The following ADGRG3 variants were observed in gnomAD, a reference collection of about 807,000 sequenced individuals.
The protein encoded by ADGRG3 is G protein-coupled receptor 97.
A neutral mutation model predicts 54.3 loss-of-function variants in ADGRG3; 39 were observed. The observed-to-expected ratio is 0.72, with a 90% CI of 0.56 to 0.94. The LOEUF (loss-of-function observed/expected upper bound fraction) is 0.94. Ranked by LOEUF, ADGRG3 falls within the 40% of genes least tolerant of loss-of-function variation. The pLI is 0.00. For synonymous variants in ADGRG3, 312 were observed against 290.0 expected (o/e 1.08, Z -0.77); for missense variants, 654 against 694.6 (o/e 0.94, Z 0.66).
chr16:57,688,893 A>C lies in ADGRG3; in HGVS notation c.*432A>C. On this transcript the variant is annotated 3_prime_UTR_variant, in exon 12 of 12. Transcript: ENST00000333493. ...CTGGCTGCCTGTAACCTTGAGGGGC[A>C]TTCAGGAGGCCAGCGTTCCCTCAGG... The C allele has an allele frequency of 6.1e-6, 1 of 163,384 alleles. No individual in the cohort carries two copies. Among genetic ancestry groups the C allele is most frequent in the Non-Finnish European group, 1.4e-5 (1 of 74,022 alleles). 10.1% of individuals were successfully genotyped at this position (163,384 alleles called of 1,614,324 possible).
intron 5 of ADGRG3, 58 bp from the exon 6 acceptor site, chr16:57,679,758 C>T (rs746869500): frequency 5.2e-5 from 73 of 1,401,562 alleles, no homozygotes; most frequent in Non-Finnish European, 7.0e-5. Flanking sequence ...TCCCGCTTCC[C>T]CTGCCCTCCC....
chr16:57,682,565 G>T, intron 8 of ADGRG3: 1 of 985,446 alleles, frequency 1.0e-6, no homozygotes, highest in South Asian at 4.7e-5. Context: ...CCCTGTGAGC[G>T]GGGCTTGGAG....
intron 11 of ADGRG3, among the ~76,000 whole-genome samples, chr16:57,687,721 TG>T (rs2048500984): frequency 1.3e-5 from 2 of 152,186 alleles, no homozygotes; most frequent in African/African-American, 4.8e-5. Flanking sequence ...GGTTGATGGT[TG>T]GGGAGAAATG....
intron 11 of ADGRG3, among the ~76,000 whole-genome samples, chr16:57,687,877 A>G (rs1016728890): frequency 5.3e-5 from 8 of 152,232 alleles, no homozygotes; most frequent in African/African-American, 1.7e-4. Context: ...AGCCCTTGGT[A>G]TACTTGAATT....
intron 1 of ADGRG3, 133 bp from the exon 2 acceptor site, chr16:57,673,188 C>T (rs1015037655): frequency 3.7e-5 from 30 of 818,840 alleles, no homozygotes; most frequent in African/African-American, 1.2e-4. Context: ...TCAAGTGCAC[C>T]GTTAGTGTGA....
At position 57,682,033 on chromosome 16, in the gene ADGRG3, C is replaced by T. The variant is rs530074050; in HGVS notation, c.881+1416C>T. Among the ~76,000 whole-genome samples, 3 of 152,362 alleles carry T rather than the reference C, an allele frequency of 2.0e-5. No homozygotes were observed. The East Asian group carries it at 5.8e-4, about 29-fold the overall frequency. On this transcript the variant is annotated intron_variant, in intron 8 of 11. Coordinates refer to ENST00000333493, the MANE Select transcript of ADGRG3 (RefSeq NM_170776.5). ...TCAAGAGCTGGAATACACAGATTGG[C>T]CGGCCAGGCCATGTGTCTGCTCTTG...
Position 57,688,722 on chromosome 16 carries a change from A to C in ADGRG3, c.*261A>C. 2.3e-6 allele frequency: 1 copy of C among 438,136 alleles called. No homozygotes were observed. The highest frequency in any genetic ancestry group is 2.8e-5 in the South Asian group (1 of 35,818). The allele number at this position is 438,136 out of a possible 1,614,324, so 27.1% of individuals were successfully genotyped here. On this transcript the variant is annotated 3_prime_UTR_variant, in exon 12 of 12. Coordinates refer to ENST00000333493, the MANE Select transcript of ADGRG3 (RefSeq NM_170776.5). ...CCCCTGCCAGCAAAGAGTGACAGTC[A>C]CCTCCATGCCCTGCCCTCATTGCAA...
chr16:57,668,304 C>T (rs1316606921), upstream of ADGRG3: 3 of 1,522,026 alleles, frequency 2.0e-6, no homozygotes, highest in Admixed American at 2.0e-5. Context: ...GGCCAGAGGG[C>T]CAGACAGCCA....
intron 3 of ADGRG3, among the ~76,000 whole-genome samples, chr16:57,677,539 G>A (rs552865606): frequency 3.9e-5 from 6 of 152,142 alleles, no homozygotes; most frequent in Non-Finnish European, 5.9e-5. Flanking sequence ...CTGAGATAGC[G>A]CCATTGCACT....
At position 57,668,314 on chromosome 16, in the gene ADGRG3, A is replaced by C; in HGVS notation, c.-34A>C. 6.5e-7 allele frequency: 1 copy of C among 1,543,228 alleles called. No individual in the cohort carries two copies. Among genetic ancestry groups the C allele is most frequent in the Non-Finnish European group, 8.7e-7 (1 of 1,145,012 alleles). On this transcript the variant is annotated 5_prime_UTR_variant, in exon 1 of 12. Coordinates refer to ENST00000333493, the MANE Select transcript of ADGRG3 (RefSeq NM_170776.5). ...CCTGGGGCCAGAGGGCCAGACAGCC[A>C]CAGAGCTCCTGGCGTGGGCAAGGCT...
chr16:57,680,404 G>A (rs1312442978), intron 7 of ADGRG3, 39 bp downstream of exon 7: 2 of 1,578,068 alleles, frequency 1.3e-6, no homozygotes, highest in Non-Finnish European at 8.7e-7. Context: ...CCATCCCAGG[G>A]GCTTCCAGCT....
intron 4 of ADGRG3, 72 bp downstream of exon 4, chr16:57,678,388 C>T (rs769646923): frequency 2.7e-6 from 4 of 1,488,402 alleles, no homozygotes; most frequent in South Asian, 1.1e-5. Context: ...TTTGCTGTCA[C>T]TGGAGCCTGC....
At position 57,682,682 on chromosome 16, in the gene ADGRG3, G is replaced by A. The variant is rs552654207; in HGVS notation, c.882-1250G>A. ...AGGAAGCCCCCGGCTCCCCTCCCTC[G>A]GCTGAGAGCCCTTTTGGATCTGGTT... On this transcript the variant is annotated intron_variant, in intron 8 of 11. Coordinates refer to ENST00000333493, the MANE Select transcript of ADGRG3 (RefSeq NM_170776.5). 3.4e-5 allele frequency: 33 copies of A among 962,964 alleles called. No homozygotes were observed. In the African/African-American group the frequency reaches 5.3e-4, roughly 15 times the overall value. The allele number at this position is 962,964 out of a possible 1,614,324, so 59.7% of individuals were successfully genotyped here.
chr16:57,679,633 G>A (rs796497475), intron 5 of ADGRG3, among the ~76,000 whole-genome samples, 183 bp from the exon 6 acceptor site: 21 of 152,124 alleles, frequency 1.4e-4, no homozygotes, highest in African/African-American at 5.1e-4. Context: ...CGCTTCACAC[G>A]CCGGCCCAGG....
upstream of ADGRG3, among the ~76,000 whole-genome samples, chr16:57,666,112 C>T (rs1185806547): frequency 1.3e-5 from 2 of 152,186 alleles, no homozygotes; most frequent in African/African-American, 4.8e-5. Flanking sequence ...GGGATCAAAG[C>T]CAGCTTCCCT....
intron 10 of ADGRG3, among the ~76,000 whole-genome samples, chr16:57,685,198 C>T (rs1333993957): frequency 6.6e-6 from 1 of 152,140 alleles, no homozygotes. Context: ...AGCAGGGGCC[C>T]CAGGAGCTGG....
intron 11 of ADGRG3, chr16:57,686,890 C>T (rs1046296523): frequency 2.0e-5 from 3 of 152,184 alleles, no homozygotes; most frequent in African/African-American, 7.2e-5. Flanking sequence ...CTCTGAGATC[C>T]CAGCAAAGGG....
At chr16:57,681,648 C>T (rs1014296651) in intron 8 of ADGRG3, among the ~76,000 whole-genome samples, 3 of 148,216 alleles carry the variant, frequency 2.0e-5, no homozygotes, top group African/African-American at 5.0e-5. Flanking sequence ...ATCGCTTGAA[C>T]CAAGGAGGCG....
rs547452976 is a variant in ADGRG3, at chr16:57,672,971, G to A, written c.59-350G>A. ...GGCCACAGTTGCAAGGGCTTTGGAA[G>A]GTCTGATGTGGAATAACTGAAAAGC... On this transcript the variant is annotated intron_variant, in intron 1 of 11. Coordinates refer to ENST00000333493, the MANE Select transcript of ADGRG3 (RefSeq NM_170776.5). Among the ~76,000 whole-genome samples, 192 of 152,330 alleles carry A rather than the reference G, an allele frequency of 1.3e-3. 1 individual carries two copies. Among genetic ancestry groups the A allele is most frequent in the Non-Finnish European group, 2.3e-3 (158 of 68,034 alleles).
Sources: allele counts gnomAD v4.1 joint callset (sites outside exome capture counted in the v4.1 genomes callset), GRCh38; gene constraint gnomAD v4.1.1; transcripts MANE v1.5; gene names NCBI Gene and HGNC (gene_info 2026-07-23, HGNC 2026-07-21).